Variants in LHFPL2 observed in about 807,000 individuals in gnomAD.
The protein encoded by LHFPL2 is LHFPL tetraspan subfamily member 2, also known as LHFPL tetraspan subfamily member 2 protein.
In LHFPL2, 7 loss-of-function variants were observed where a neutral mutation model predicts 17.5. The ratio of observed to expected loss-of-function variants is 0.40; its 90% CI spans 0.23 to 0.75. The LOEUF is 0.75. Among genes scored for constraint, LHFPL2 ranks in the 30% least tolerant of loss-of-function variants. The pLI, the probability that LHFPL2 is intolerant of heterozygous loss-of-function variation, is 0.37. For synonymous variants in LHFPL2, 134 were observed against 116.2 expected (o/e 1.15, Z -0.99); for missense variants, 241 against 294.8 (o/e 0.82, Z 1.34).
chr5:78,529,802 C>T (rs1755728270), intron 3 of LHFPL2, among the ~76,000 whole-genome samples: 1 of 152,184 alleles, frequency 6.6e-6, no homozygotes, highest in Non-Finnish European at 1.5e-5. Flanking sequence ...TTGTGCAATG[C>T]AAGAATTTAT....
intron 3 of LHFPL2, among the ~76,000 whole-genome samples, chr5:78,563,071 T>C (rs1474770605): frequency 6.6e-6 from 1 of 152,230 alleles, no homozygotes; most frequent in African/African-American, 2.4e-5. Context: ...AGACAGTGCC[T>C]GGGAGTAGAA....
chr5:78,598,305 A>G (rs1437339625), intron 2 of LHFPL2, among the ~76,000 whole-genome samples: 1 of 152,236 alleles, frequency 6.6e-6, no homozygotes, highest in Non-Finnish European at 1.5e-5. Context: ...TAATAAGCCA[A>G]GCACATTTGA....
intron 3 of LHFPL2, among the ~76,000 whole-genome samples, chr5:78,526,577 T>C (rs1338064708): frequency 6.6e-6 from 1 of 152,192 alleles, no homozygotes; most frequent in Non-Finnish European, 1.5e-5. Context: ...CTCATCAAAG[T>C]AAATTAAATA....
chr5:78,519,067 TG>T (rs1463888342), intron 3 of LHFPL2, among the ~76,000 whole-genome samples: 1 of 151,988 alleles, frequency 6.6e-6, no homozygotes, highest in Non-Finnish European at 1.5e-5. Flanking sequence ...CTATGCCCAG[TG>T]CTATGGACTC....
chr5:78,510,161 A>C lies in LHFPL2; in HGVS notation c.53T>G (p.Ile18Ser). ...CRSMLWTLLS[I>S]VVAFAELIAF... is the part of the protein sequence containing the mutation. ...AATGAGCTCGGCAAAAGCCACCACAATACTCAGCAAGGTCCAGAGCATCGA... is the reference window on the plus strand; with the variant it reads ...AATGAGCTCGGCAAAAGCCACCACACTACTCAGCAAGGTCCAGAGCATCGA... Residue 18 changes from isoleucine to serine, a missense_variant, in exon 4 of 5, where the codon ATT becomes AGT. Physicochemically the swap from Ile to Ser is moderately radical, Grantham distance 142. Transcript: ENST00000380345. 6.2e-7 allele frequency: 1 copy of C among 1,611,866 alleles called. No individual in the cohort carries two copies. The highest frequency in any genetic ancestry group is 8.5e-7 in the Non-Finnish European group (1 of 1,178,608).
intron 2 of LHFPL2, among the ~76,000 whole-genome samples, chr5:78,577,258 T>G (rs1342360581): frequency 6.6e-6 from 1 of 152,178 alleles, no homozygotes; most frequent in African/African-American, 2.4e-5. Flanking sequence ...TATATGAATA[T>G]CAACATGAGT....
intron 2 of LHFPL2, among the ~76,000 whole-genome samples, chr5:78,574,555 A>G (rs1757081069): frequency 6.6e-6 from 1 of 152,234 alleles, no homozygotes; most frequent in Non-Finnish European, 1.5e-5. Flanking sequence ...TCTCAGATGC[A>G]TTTCCCAACT....
At chr5:78,596,232 G>T (rs757207139) in intron 2 of LHFPL2, among the ~76,000 whole-genome samples, 13 of 152,120 alleles carry the variant, frequency 8.5e-5, no homozygotes, top group Non-Finnish European at 1.9e-4. Flanking sequence ...GAATTGAAAA[G>T]ATATACAGTT....
chr5:78,574,840 C>T (rs1455194639), intron 2 of LHFPL2, among the ~76,000 whole-genome samples: 1 of 152,216 alleles, frequency 6.6e-6, no homozygotes, highest in Non-Finnish European at 1.5e-5. Context: ...CATGCTAAAG[C>T]AGGGTGATTC....
intron 2 of LHFPL2, among the ~76,000 whole-genome samples, chr5:78,621,790 T>G (rs536229157): frequency 1.3e-3 from 192 of 152,292 alleles, no homozygotes; most frequent in Non-Finnish European, 1.8e-3. Flanking sequence ...AGGTCAGGCC[T>G]GTTAATGGTG....
intron 3 of LHFPL2, among the ~76,000 whole-genome samples, chr5:78,545,274 G>A (rs1333245372): frequency 1.3e-5 from 2 of 152,124 alleles, no homozygotes; most frequent in Non-Finnish European, 2.9e-5. Context: ...CCATCAGGAG[G>A]CAACACCGAA....
At chr5:78,583,654 T>TG (rs1743238833) in intron 2 of LHFPL2, among the ~76,000 whole-genome samples, 1 of 152,230 alleles carries the variant, frequency 6.6e-6, no homozygotes, top group Non-Finnish European at 1.5e-5. Flanking sequence ...AGAGATCTGC[T>TG]GTTAGTCTGA....
intron 1 of LHFPL2, among the ~76,000 whole-genome samples, chr5:78,634,169 TTG>T (rs1458664260): frequency 3.9e-5 from 6 of 152,226 alleles, no homozygotes; most frequent in African/African-American, 1.2e-4. Flanking sequence ...ACATTCTTGT[TTG>T]TGTTTTTATA....
intron 2 of LHFPL2, among the ~76,000 whole-genome samples, chr5:78,602,017 C>T (rs1294907172): frequency 6.6e-6 from 1 of 152,190 alleles, no homozygotes. Flanking sequence ...AATACGCAGA[C>T]ACAACTTTAG....
chr5:78,584,875 C>G (rs1028926498), intron 2 of LHFPL2, among the ~76,000 whole-genome samples: 4 of 152,106 alleles, frequency 2.6e-5, no homozygotes, highest in African/African-American at 9.7e-5. Context: ...GGGCACCCCT[C>G]CCCCAGCCTC....
intron 2 of LHFPL2, among the ~76,000 whole-genome samples, chr5:78,584,300 A>G (rs1743279596): frequency 6.6e-6 from 1 of 152,030 alleles, no homozygotes. Flanking sequence ...GTCATTCTCC[A>G]TCCAGCTTTG....
chr5:78,498,698 A>C (rs978114611), intron 4 of LHFPL2, among the ~76,000 whole-genome samples: 3 of 152,236 alleles, frequency 2.0e-5, no homozygotes, highest in African/African-American at 7.2e-5. Context: ...CTCTGGAGAC[A>C]CTCTGCAGTA....
chr5:78,518,525 G>C (rs1360872805), intron 3 of LHFPL2, among the ~76,000 whole-genome samples: 5 of 152,240 alleles, frequency 3.3e-5, no homozygotes, highest in Non-Finnish European at 7.3e-5. Flanking sequence ...AGCTTCCAAA[G>C]GGATGCACAC....
At chr5:78,626,046 C>CCATAAACTA (rs1333302429) in intron 2 of LHFPL2, 2 of 152,300 alleles carry the variant, frequency 1.3e-5, no homozygotes, top group East Asian at 3.8e-4. Context: ...ATTCTGCCAA[C>CCATAAACTA]CATAAACTAC....
Sources: gnomAD v4.1 joint callset for allele counts (sites outside exome capture counted in the v4.1 genomes callset) on GRCh38, gnomAD v4.1.1 for gene constraint, MANE v1.5 for transcripts, NCBI Gene and HGNC (gene_info 2026-07-23, HGNC 2026-07-21) for gene names.